Variants in GRIP1 observed in about 807,000 individuals in gnomAD.
GRIP1 encodes glutamate receptor-interacting protein 1.
GRIP1 carries 45 observed loss-of-function variants against 129.9 expected under a neutral mutation model. The ratio of observed to expected loss-of-function variants is 0.35; its 90% CI spans 0.27 to 0.44. The LOEUF (loss-of-function observed/expected upper bound fraction) is 0.44. GRIP1 is among the 20% of genes least tolerant of loss of function. GRIP1 has a pLI of 1.00. For synonymous variants in GRIP1, 530 were observed against 520.8 expected, an observed-to-expected ratio of 1.02 and a Z score of -0.24; for missense variants, 1,196 against 1,396.8, an observed-to-expected ratio of 0.86 and a Z score of 2.29.
intron 1 of GRIP1, among the ~76,000 whole-genome samples, chr12:67,046,153 C>A (rs1456192997): frequency 6.6e-6 from 1 of 152,230 alleles, no homozygotes; most frequent in Non-Finnish European, 1.5e-5. Flanking sequence ...TTGACCCCCA[C>A]TTCCCGACTG....
At chr12:66,553,722 T>A (rs1199451124) in intron 2 of GRIP1, among the ~76,000 whole-genome samples, 1 of 151,708 alleles carries the variant, frequency 6.6e-6, no homozygotes. Flanking sequence ...GCATGTCTCA[T>A]GGCACGAAGA....
At position 67,046,143 on chromosome 12, in the gene GRIP1, T is replaced by C. The variant is rs140126940; in HGVS notation, c.58+22907A>G. ...AGAAAACAACCTGAGCCCTCTTCAGTTGACCCCCACTTCCCGACTGAGTTC... is the reference window on the plus strand; with the variant it reads ...AGAAAACAACCTGAGCCCTCTTCAGCTGACCCCCACTTCCCGACTGAGTTC... On this transcript the variant is annotated intron_variant, in intron 1 of 1. Transcript: ENST00000643019. Among the ~76,000 whole-genome samples the C allele has an allele frequency of 7.3e-3, 1,105 of 152,318 alleles. 14 individuals carry two copies. Among genetic ancestry groups the C allele is most frequent in the African/African-American group, 0.025 (1,035 of 41,570 alleles).
intron 7 of GRIP1, among the ~76,000 whole-genome samples, chr12:66,484,152 C>T (rs940302034): frequency 3.3e-5 from 5 of 152,180 alleles, no homozygotes; most frequent in African/African-American, 1.2e-4. Context: ...AGCCACTGCG[C>T]CCGGCCCATT....
intron 1 of GRIP1, among the ~76,000 whole-genome samples, chr12:66,656,255 C>T (rs1022810856): frequency 1.3e-5 from 2 of 152,104 alleles, no homozygotes; most frequent in African/African-American, 4.8e-5. Flanking sequence ...CTGGCAGCCA[C>T]AGGCAAAATT....
At chr12:66,531,650 G>T (rs1256557055) in intron 4 of GRIP1, among the ~76,000 whole-genome samples, 1 of 152,048 alleles carries the variant, frequency 6.6e-6, no homozygotes, top group Non-Finnish European at 1.5e-5. Context: ...TTTCAGCTTA[G>T]ACTAATCAAC....
intron 1 of GRIP1, among the ~76,000 whole-genome samples, chr12:66,764,092 G>A (rs1179349892): frequency 6.6e-6 from 1 of 152,180 alleles, no homozygotes; most frequent in African/African-American, 2.4e-5. Flanking sequence ...CATGCAGAGG[G>A]GCCATTTGGC....
At chr12:66,767,621 A>AATAGGCT (rs1254346812) in intron 1 of GRIP1, among the ~76,000 whole-genome samples, 1 of 151,928 alleles carries the variant, frequency 6.6e-6, no homozygotes, top group Non-Finnish European at 1.5e-5. Context: ...TGACGGTATT[A>AATAGGCT]ATAGGCTACC....
At chr12:66,552,084 T>G (rs1393333601) in intron 2 of GRIP1, among the ~76,000 whole-genome samples, 1 of 152,140 alleles carries the variant, frequency 6.6e-6, no homozygotes, top group Non-Finnish European at 1.5e-5. Flanking sequence ...CTACAGCTAG[T>G]GAGAGCTAGT....
At chr12:66,575,007 G>A (rs563512316) in intron 2 of GRIP1, among the ~76,000 whole-genome samples, 1 of 152,064 alleles carries the variant, frequency 6.6e-6, no homozygotes, top group East Asian at 1.9e-4. Context: ...TCTGACTTCA[G>A]GTGATCTGCC....
chr12:66,520,138 C>T (rs1406630503), intron 5 of GRIP1, among the ~76,000 whole-genome samples: 2 of 152,214 alleles, frequency 1.3e-5, no homozygotes, highest in Admixed American at 1.3e-4. Context: ...AGATATGCTC[C>T]ATCTGCAATA....
chr12:66,749,335 A>G (rs1404578331), intron 1 of GRIP1, among the ~76,000 whole-genome samples: 1 of 152,140 alleles, frequency 6.6e-6, no homozygotes, highest in Non-Finnish European at 1.5e-5. Context: ...ACTCAGTGTA[A>G]TTTGGGAAAG....
At position 66,979,222 on chromosome 12, in the gene GRIP1, TAAAAAAAAAAAAAAAAAA is replaced by T. The variant is rs35306665; in HGVS notation, c.58+89810_58+89827del. Among the ~76,000 whole-genome samples, 22 of 41,460 alleles carry T rather than the reference TAAAAAAAAAAAAAAAAAA, an allele frequency of 5.3e-4. 3 individuals are homozygous for T. In the South Asian group the frequency reaches 0.028, roughly 53 times the overall value. 27.2% of individuals were successfully genotyped at this position (41,460 alleles called of 152,430 possible). On this transcript the variant is annotated intron_variant, in intron 1 of 1. Transcript: ENST00000643019. ...CCCCAAGCCACAAAACTTCTCTTCT[TAAAAAAAAAAAAAAAAAA>T]AAAAAAAAAAAAAACAAGCCCGTCA...
In GRIP1 at chr12:66,650,194, T is replaced by C. The variant is rs1322871368; in HGVS notation, c.55+28656A>G. ...CACCTGTGCAGTTCTCAGAAATCTC[T>C]ACCTCAGTTTAAGCCACTGATAGAA... On this transcript the variant is annotated intron_variant, in intron 1 of 24. Transcript: ENST00000359742. Among the ~76,000 whole-genome samples the C allele has an allele frequency of 2.0e-5, 3 of 152,268 alleles. No homozygotes were observed. In the East Asian group the frequency reaches 5.8e-4, roughly 29 times the overall value.
At chr12:67,043,501 C>CA (rs1157764353) in intron 1 of GRIP1, among the ~76,000 whole-genome samples, 6 of 152,106 alleles carry the variant, frequency 3.9e-5, no homozygotes, top group African/African-American at 1.4e-4. Flanking sequence ...GGCATAAAGT[C>CA]AAAGATTTTT....
intron 2 of GRIP1, among the ~76,000 whole-genome samples, chr12:66,595,183 C>T (rs2063999132): frequency 6.6e-6 from 1 of 152,098 alleles, no homozygotes; most frequent in South Asian, 2.1e-4. Flanking sequence ...AACTCACCAA[C>T]AGTTAATGAT....
intron 1 of GRIP1, among the ~76,000 whole-genome samples, chr12:66,759,928 C>T (rs1317224093): frequency 2.0e-5 from 3 of 151,716 alleles, no homozygotes; most frequent in Non-Finnish European, 4.4e-5. Context: ...AATCTCGGCT[C>T]ACTGCAAGCT....
At chr12:66,581,328 C>T (rs1170476514) in intron 2 of GRIP1, among the ~76,000 whole-genome samples, 6 of 151,310 alleles carry the variant, frequency 4.0e-5, no homozygotes, top group African/African-American at 1.2e-4. Flanking sequence ...GACACCCTAA[C>T]ATCACAATTA....
intron 1 of GRIP1, among the ~76,000 whole-genome samples, chr12:66,608,536 T>C (rs1414304036): frequency 2.0e-5 from 3 of 152,156 alleles, no homozygotes; most frequent in East Asian, 1.9e-4. Flanking sequence ...TTTCACCACG[T>C]TGGCCAGGCT....
chr12:66,494,613 C>T (rs897835257), intron 7 of GRIP1, among the ~76,000 whole-genome samples: 2 of 152,072 alleles, frequency 1.3e-5, no homozygotes, highest in African/African-American at 4.8e-5. Flanking sequence ...TGGCTCATGC[C>T]TATAATCCCA....
Sources: gnomAD v4.1 joint callset for allele counts (sites outside exome capture counted in the v4.1 genomes callset) on GRCh38, gnomAD v4.1.1 for gene constraint, MANE v1.5 for transcripts, NCBI Gene and HGNC (gene_info 2026-07-23, HGNC 2026-07-21) for gene names.